SYNDIG1: variants seen among roughly 807,000 people sequenced by gnomAD.
SYNDIG1 encodes the protein synapse differentiation-inducing gene protein 1.
A neutral mutation model predicts 19.4 loss-of-function variants in SYNDIG1; 9 were observed. The ratio of observed to expected loss-of-function variants is 0.46; its 90% CI spans 0.28 to 0.81. SYNDIG1 has a LOEUF of 0.81. Among genes scored for constraint, SYNDIG1 ranks in the 30% least tolerant of loss-of-function variants. The pLI is 0.12. For synonymous variants in SYNDIG1, 141 were observed against 145.9 expected (o/e 0.97, Z 0.24); for missense variants, 311 against 343.3 (o/e 0.91, Z 0.74).
At chr20:24,578,442 A>G (rs1347155463) in intron 2 of SYNDIG1, among the ~76,000 whole-genome samples, 1 of 40,266 alleles carries the variant, frequency 2.5e-5, no homozygotes, top group Non-Finnish European at 4.9e-5. Flanking sequence ...ACTCTGTATC[A>G]AAAAAAAAAA....
At position 24,663,410 on chromosome 20, in the gene SYNDIG1, T is replaced by C. The variant is rs1232881944; in HGVS notation, c.619-1936T>C. On this transcript the variant is annotated intron_variant, in intron 3 of 3. Transcript: ENST00000376862. ...GCATGAGAGCTCTGGTGCGTCTATA[T>C]GCAGAACCTGCAGAGTTGGGCCAGA... Among the ~76,000 whole-genome samples, 7 of 152,218 alleles carry C rather than the reference T, an allele frequency of 4.6e-5. 1 individual carries two copies.
chr20:24,652,791 A>T (rs2059486277), intron 3 of SYNDIG1, among the ~76,000 whole-genome samples: 2 of 152,286 alleles, frequency 1.3e-5, no homozygotes, highest in South Asian at 4.1e-4. Context: ...GCAGCCCTCA[A>T]GCAGTGGTGG....
At chr20:24,475,464 G>A (rs546000358) in intron 1 of SYNDIG1, among the ~76,000 whole-genome samples, 63 of 152,320 alleles carry the variant, frequency 4.1e-4, no homozygotes, top group African/African-American at 1.4e-3. Flanking sequence ...TGTCCTTATG[G>A]GTCGAGTGCC....
intron 1 of SYNDIG1, among the ~76,000 whole-genome samples, chr20:24,490,487 T>C (rs2056114303): frequency 6.6e-6 from 1 of 152,122 alleles, no homozygotes; most frequent in Non-Finnish European, 1.5e-5. Flanking sequence ...AGGTTGTATC[T>C]GGGGCTCTGC....
chr20:24,499,557 C>T (rs1445253359), intron 1 of SYNDIG1, among the ~76,000 whole-genome samples: 4 of 152,224 alleles, frequency 2.6e-5, no homozygotes, highest in African/African-American at 9.6e-5. Flanking sequence ...CATGAGAGAA[C>T]TACCAACATG....
At chr20:24,580,605 C>A (rs553779469) in intron 2 of SYNDIG1, among the ~76,000 whole-genome samples, 58 of 152,198 alleles carry the variant, frequency 3.8e-4, no homozygotes, top group Non-Finnish European at 7.4e-4. Flanking sequence ...GACAGGGTTT[C>A]ACCATGTTGC....
chr20:24,577,581 G>A (rs572848832), intron 2 of SYNDIG1, among the ~76,000 whole-genome samples: 1 of 152,350 alleles, frequency 6.6e-6, no homozygotes, highest in East Asian at 1.9e-4. Flanking sequence ...CACCTGTGAT[G>A]TGGACAGAGG....
chr20:24,662,762 G>T (rs531558782), intron 3 of SYNDIG1, among the ~76,000 whole-genome samples: 2 of 152,232 alleles, frequency 1.3e-5, no homozygotes, highest in Non-Finnish European at 2.9e-5. Flanking sequence ...GGCCAATAAA[G>T]TCACAAACTT....
At chr20:24,494,162 C>T (rs2056234695) in intron 1 of SYNDIG1, among the ~76,000 whole-genome samples, 2 of 151,944 alleles carry the variant, frequency 1.3e-5, no homozygotes, top group South Asian at 2.1e-4. Context: ...GGCGGGGCGG[C>T]GCGCATGGCC....
At chr20:24,488,547 G>A (rs1156526662) in intron 1 of SYNDIG1, among the ~76,000 whole-genome samples, 1 of 152,234 alleles carries the variant, frequency 6.6e-6, no homozygotes, top group Non-Finnish European at 1.5e-5. Context: ...CAGGCTCCAG[G>A]CACAAACTGA....
intron 2 of SYNDIG1, among the ~76,000 whole-genome samples, chr20:24,554,900 T>C (rs2146825404): frequency 6.6e-6 from 1 of 152,016 alleles, no homozygotes; most frequent in Admixed American, 6.5e-5. Context: ...TCCTTGTACC[T>C]CTGGTAGAAT....
At chr20:24,574,601 A>T (rs2058197561) in intron 2 of SYNDIG1, among the ~76,000 whole-genome samples, 1 of 152,240 alleles carries the variant, frequency 6.6e-6, no homozygotes, top group South Asian at 2.1e-4. Flanking sequence ...ACTTAGCCTG[A>T]TGGGTGAACT....
Position 24,517,576 on chromosome 20 carries a change from G to A in SYNDIG1, c.-78-25444G>A, listed in dbSNP as rs186201992. Among the ~76,000 whole-genome samples, 40 of 145,172 alleles carry A rather than the reference G, an allele frequency of 2.8e-4. 1 individual carries two copies. The highest frequency in any genetic ancestry group is 9.6e-4 in the African/African-American group (38 of 39,772). On this transcript the variant is annotated intron_variant, in intron 1 of 3. Coordinates refer to ENST00000376862, the MANE Select transcript of SYNDIG1 (RefSeq NM_024893.3). ...GGAGCTTGCAGTGAGCCGAGATCGC[G>A]CCACTGCACTCCAGCCTGGGTGACA...
intron 3 of SYNDIG1, among the ~76,000 whole-genome samples, chr20:24,627,169 G>GAGAGCGAGAGCT (rs2059161471): frequency 1.3e-5 from 2 of 151,080 alleles, no homozygotes; most frequent in South Asian, 2.1e-4. Flanking sequence ...GAGCGAGAGC[G>GAGAGCGAGAGCT]AGAGCGAGAG....
chr20:24,487,927 C>T (rs2056014841), intron 1 of SYNDIG1, among the ~76,000 whole-genome samples: 1 of 152,132 alleles, frequency 6.6e-6, no homozygotes, highest in Admixed American at 6.5e-5. Context: ...CCAAACATGT[C>T]GGTGAGGCTG....
At chr20:24,617,533 A>C (rs1411699524) in intron 3 of SYNDIG1, among the ~76,000 whole-genome samples, 3 of 152,038 alleles carry the variant, frequency 2.0e-5, no homozygotes, top group Non-Finnish European at 2.9e-5. Flanking sequence ...GCTCCTGAGA[A>C]CTCGACTTTG....
intron 3 of SYNDIG1, among the ~76,000 whole-genome samples, chr20:24,630,581 C>T (rs544234618): frequency 8.3e-4 from 126 of 152,322 alleles, no homozygotes; most frequent in African/African-American, 2.8e-3. Flanking sequence ...AATGGTTCAC[C>T]AGGCAGGTCC....
intron 3 of SYNDIG1, among the ~76,000 whole-genome samples, chr20:24,645,229 C>T (rs546951787): frequency 6.6e-6 from 1 of 152,286 alleles, no homozygotes; most frequent in Admixed American, 6.5e-5. Flanking sequence ...GCCAAACTGT[C>T]CTTAAGGATC....
At chr20:24,650,823 C>G (rs1568716213) in intron 3 of SYNDIG1, among the ~76,000 whole-genome samples, 2 of 125,182 alleles carry the variant, frequency 1.6e-5, no homozygotes, top group Non-Finnish European at 1.7e-5. Flanking sequence ...CGCAATGACT[C>G]TTATTTCTTG....
Sources: allele counts gnomAD v4.1 joint callset (sites outside exome capture counted in the v4.1 genomes callset), GRCh38; gene constraint gnomAD v4.1.1; transcripts MANE v1.5; gene names NCBI Gene and HGNC (gene_info 2026-07-23, HGNC 2026-07-21).